The following COLEC10 variants were observed in gnomAD, a reference collection of about 807,000 sequenced individuals.
The protein encoded by COLEC10 is collectin-10.
COLEC10 carries 22 observed loss-of-function variants against 28.4 expected under a neutral mutation model. The ratio of observed to expected loss-of-function variants is 0.78; its 90% CI spans 0.55 to 1.11. The LOEUF (loss-of-function observed/expected upper bound fraction) is 1.11. COLEC10 is among the 50% of genes least tolerant of loss of function. COLEC10 has a pLI of 0.00. For missense variants in COLEC10, 361 were observed against 344.1 expected (o/e 1.05, Z -0.39); for synonymous variants, 125 against 116.1 (o/e 1.08, Z -0.49).
At chr8:118,984,985 C>T in the COLEC10 span, among the ~76,000 whole-genome samples, 2 of 152,094 alleles carry the variant, frequency 1.3e-5, no homozygotes, top group East Asian at 1.9e-4. Context: ...AGCACGGGAA[C>T]GACCCACCCT....
At chr8:119,009,913 T>C (rs1159220704) in intron 2 of COLEC10, among the ~76,000 whole-genome samples, 1 of 150,700 alleles carries the variant, frequency 6.6e-6, no homozygotes, top group Non-Finnish European at 1.5e-5. Flanking sequence ...GTGGAAAGTA[T>C]AGAAATTTCC....
chr8:119,080,173 T>C (rs1815341193), intron 1 of COLEC10, among the ~76,000 whole-genome samples: 2 of 152,222 alleles, frequency 1.3e-5, no homozygotes, highest in South Asian at 4.2e-4. Flanking sequence ...ACCTACTCAT[T>C]TGAAAGACTG....
At position 119,089,676 on chromosome 8, in the gene COLEC10, A is replaced by G; in HGVS notation, c.149-4A>G. 1 of 1,612,110 alleles carries G rather than the reference A, an allele frequency of 6.2e-7. No homozygotes were observed. The highest frequency in any genetic ancestry group is 2.2e-5 in the East Asian group (1 of 44,788). ...TCACTCTATCTCATTTTCTGTTTCA[A>G]AAGGAGATGATGGTGAAAAAGGAGA... On this transcript the variant is annotated splice_polypyrimidine_tract_variant and splice_region_variant and intron_variant, in intron 1 of 5. Transcript: ENST00000332843.
chr8:118,996,956 G>A (rs1331636508), intron 1 of COLEC10, among the ~76,000 whole-genome samples: 1 of 152,150 alleles, frequency 6.6e-6, no homozygotes, highest in East Asian at 1.9e-4. Context: ...CATTACCACA[G>A]GGGTGGCATC....
At position 119,087,871 on chromosome 8, in the gene COLEC10, T is replaced by C. The variant is rs77086076; in HGVS notation, c.149-1809T>C. On this transcript the variant is annotated intron_variant, in intron 1 of 5. Coordinates refer to ENST00000332843, the MANE Select transcript of COLEC10 (RefSeq NM_006438.5). ...ACAATAGGCAAGCAACTTAACCACA[T>C]AGTCTCATTTTTTTTTCATTCATGA... Among the ~76,000 whole-genome samples, 810 of 152,248 alleles carry C rather than the reference T, an allele frequency of 5.3e-3. 2 individuals are homozygous for C. The highest frequency in any genetic ancestry group is 7.9e-3 in the Non-Finnish European group (534 of 68,014).
intron 2 of COLEC10, among the ~76,000 whole-genome samples, chr8:119,050,388 T>C (rs764880881): frequency 3.9e-4 from 59 of 152,308 alleles, no homozygotes; most frequent in Non-Finnish European, 7.1e-4. Context: ...AATCAACTTA[T>C]GGCAGCCTTA....
At chr8:119,065,072 C>G (rs546233525), upstream of COLEC10, among the ~76,000 whole-genome samples, 1 of 152,180 alleles carries the variant, frequency 6.6e-6, no homozygotes, top group Non-Finnish European at 1.5e-5. Context: ...TGTGTTCCTC[C>G]CACCTCAAAA....
At chr8:119,010,393 T>G (rs1813883005) in intron 2 of COLEC10, among the ~76,000 whole-genome samples, 1 of 151,094 alleles carries the variant, frequency 6.6e-6, no homozygotes, top group Non-Finnish European at 1.5e-5. Context: ...TACTACAATT[T>G]ACTTATCCAT....
At chr8:118,974,414 A>G in the COLEC10 span, among the ~76,000 whole-genome samples, 1 of 151,974 alleles carries the variant, frequency 6.6e-6, no homozygotes, top group African/African-American at 2.4e-5. Flanking sequence ...AGGGTATACC[A>G]AAGTACTGTG....
chr8:119,074,196 A>G (rs1186231906), intron 1 of COLEC10, among the ~76,000 whole-genome samples: 1 of 152,114 alleles, frequency 6.6e-6, no homozygotes, highest in African/African-American at 2.4e-5. Context: ...CAAAAATAAT[A>G]GAAAGAATGA....
chr8:119,024,883 G>C (rs1814159825), intron 2 of COLEC10, among the ~76,000 whole-genome samples: 1 of 152,014 alleles, frequency 6.6e-6, no homozygotes, highest in African/African-American at 2.4e-5. Flanking sequence ...AATTGAAAGG[G>C]GATTTAGGAT....
chr8:119,041,433 A>G (rs1464917895), intron 2 of COLEC10, among the ~76,000 whole-genome samples: 6 of 152,244 alleles, frequency 3.9e-5, no homozygotes, highest in Non-Finnish European at 8.8e-5. Context: ...TGAAGTAGAT[A>G]TAGACAAAAA....
upstream of COLEC10, among the ~76,000 whole-genome samples, chr8:119,064,031 G>C (rs1487103907): frequency 6.6e-6 from 1 of 152,142 alleles, no homozygotes; most frequent in East Asian, 1.9e-4. Flanking sequence ...GTGTTGGCTT[G>C]TTGTTCTCAG....
chr8:118,983,381 T>A, the COLEC10 span, among the ~76,000 whole-genome samples: 1 of 152,284 alleles, frequency 6.6e-6, no homozygotes, highest in East Asian at 1.9e-4. Context: ...CAGTGTGATA[T>A]GTTAAAGCAG....
chr8:119,094,446 T>C (rs1305596566), intron 3 of COLEC10, among the ~76,000 whole-genome samples: 1 of 152,198 alleles, frequency 6.6e-6, no homozygotes, highest in Non-Finnish European at 1.5e-5. Flanking sequence ...TTGCCTGTCT[T>C]ACATTAATCC....
At chr8:119,073,432 C>A (rs1211447959) in intron 1 of COLEC10, among the ~76,000 whole-genome samples, 2 of 152,184 alleles carry the variant, frequency 1.3e-5, no homozygotes, top group Non-Finnish European at 2.9e-5. Flanking sequence ...TGGTAACTAT[C>A]AGAAAGGGTA....
At chr8:118,966,678 GTT>G in the COLEC10 span, among the ~76,000 whole-genome samples, 4 of 145,446 alleles carry the variant, frequency 2.8e-5, no homozygotes, top group African/African-American at 5.0e-5. Flanking sequence ...AATGTTCCAT[GTT>G]TTTTTTTTTT....
chr8:119,006,610 A>C (rs945005175), intron 1 of COLEC10, among the ~76,000 whole-genome samples: 2 of 151,974 alleles, frequency 1.3e-5, no homozygotes, highest in Non-Finnish European at 2.9e-5. Flanking sequence ...TGTAAATGCC[A>C]TGTTCTTTCT....
the COLEC10 span, among the ~76,000 whole-genome samples, chr8:118,986,178 G>A: frequency 6.6e-6 from 1 of 152,058 alleles, no homozygotes; most frequent in Admixed American, 6.6e-5. Flanking sequence ...GAAGTTACTA[G>A]AAATGACAAA....
Sources: gnomAD v4.1 joint callset for allele counts (sites outside exome capture counted in the v4.1 genomes callset) on GRCh38, gnomAD v4.1.1 for gene constraint, MANE v1.5 for transcripts, NCBI Gene and HGNC (gene_info 2026-07-23, HGNC 2026-07-21) for gene names.